The following KIFAP3 variants were observed in gnomAD, a reference collection of about 807,000 sequenced individuals.
KIFAP3 encodes kinesin associated protein 3.
A neutral mutation model predicts 106.5 loss-of-function variants in KIFAP3; 68 were observed. The observed-to-expected ratio is 0.64, with a 90% CI of 0.53 to 0.78. The LOEUF is 0.78. KIFAP3 is among the 30% of genes least tolerant of loss of function. KIFAP3 has a pLI of 0.00. For synonymous variants in KIFAP3, 320 were observed against 311.5 expected (o/e 1.03, Z -0.29); for missense variants, 780 against 941.8 (o/e 0.83, Z 2.25).
intron 10 of KIFAP3, among the ~76,000 whole-genome samples, chr1:169,994,592 G>A (rs541534225): frequency 2.6e-5 from 4 of 151,836 alleles, no homozygotes; most frequent in African/African-American, 4.8e-5. Flanking sequence ...TCAGATGAAT[G>A]GACACTAGTA....
intron 15 of KIFAP3, among the ~76,000 whole-genome samples, chr1:169,980,625 C>T (rs1666466527): frequency 1.3e-5 from 2 of 152,064 alleles, no homozygotes; most frequent in Non-Finnish European, 1.5e-5. Flanking sequence ...TGTTGGACAC[C>T]ACATATATAG....
chr1:169,990,160 T>C, intron 11 of KIFAP3: 1 of 1,483,826 alleles, frequency 6.7e-7, no homozygotes, highest in Non-Finnish European at 9.1e-7. Context: ...CAGAGTTCAG[T>C]ATGAAATGAG....
At chr1:170,037,895 C>T (rs1669770951) in intron 5 of KIFAP3, among the ~76,000 whole-genome samples, 1 of 152,160 alleles carries the variant, frequency 6.6e-6, no homozygotes, top group South Asian at 2.1e-4. Flanking sequence ...AAAGCAAACA[C>T]TTGATGTGAA....
At chr1:170,027,919 A>T (rs1262032151) in intron 8 of KIFAP3, among the ~76,000 whole-genome samples, 1 of 152,082 alleles carries the variant, frequency 6.6e-6, no homozygotes. Flanking sequence ...AGAAAAAGAG[A>T]CCTTATATTA....
chr1:170,013,807 G>A (rs1668370063), intron 10 of KIFAP3, among the ~76,000 whole-genome samples: 1 of 152,110 alleles, frequency 6.6e-6, no homozygotes, highest in Admixed American at 6.6e-5. Context: ...AGTTAGGCAT[G>A]GCGATGTGAT....
chr1:170,066,276 T>C (rs563466175), intron 1 of KIFAP3, among the ~76,000 whole-genome samples: 102 of 151,940 alleles, frequency 6.7e-4, no homozygotes, highest in Admixed American at 3.6e-3. Context: ...TCAAGTCATA[T>C]GTATTTTTAA....
At chr1:170,038,461 A>T (rs762364290) in intron 4 of KIFAP3, 30 bp from the exon 5 acceptor site, 2 of 1,591,372 alleles carry the variant, frequency 1.3e-6, no homozygotes, top group Non-Finnish European at 1.7e-6. Context: ...AGTACTCATC[A>T]ACAATGCTCA....
At chr1:170,070,471 G>A (rs761130227) in intron 1 of KIFAP3, among the ~76,000 whole-genome samples, 6 of 152,050 alleles carry the variant, frequency 3.9e-5, no homozygotes, top group Non-Finnish European at 7.4e-5. Flanking sequence ...AAATATAATT[G>A]AGAGTGCAGG....
chr1:169,998,521 G>T (rs1235331889), intron 10 of KIFAP3, among the ~76,000 whole-genome samples: 1 of 151,312 alleles, frequency 6.6e-6, no homozygotes, highest in African/African-American at 2.4e-5. Flanking sequence ...TCTAACCCAA[G>T]TTGCTAATGT....
intron 2 of KIFAP3, among the ~76,000 whole-genome samples, chr1:170,054,146 A>G (rs898274695): frequency 2.0e-5 from 3 of 152,186 alleles, no homozygotes; most frequent in Non-Finnish European, 4.4e-5. Context: ...ACAAATTTAC[A>G]AGAGAAAAAA....
At chr1:170,041,337 T>C (rs1669967937) in intron 3 of KIFAP3, among the ~76,000 whole-genome samples, 1 of 152,164 alleles carries the variant, frequency 6.6e-6, no homozygotes, top group Non-Finnish European at 1.5e-5. Context: ...ACTTGAGCAT[T>C]GATACATTAT....
At chr1:169,973,526 T>A (rs1342218200) in intron 16 of KIFAP3, among the ~76,000 whole-genome samples, 3 of 149,902 alleles carry the variant, frequency 2.0e-5, no homozygotes, top group African/African-American at 7.3e-5. Context: ...AAAAAAAACT[T>A]GATATTAAAA....
intron 1 of KIFAP3, among the ~76,000 whole-genome samples, chr1:170,061,558 G>A (rs1290384036): frequency 2.0e-5 from 3 of 152,196 alleles, no homozygotes; most frequent in Non-Finnish European, 4.4e-5. Flanking sequence ...GTTTTACACT[G>A]TTGGTGGGAC....
Position 169,983,396 on chromosome 1 carries a change from G to T in KIFAP3, c.1394-14C>A. On this transcript the variant is annotated splice_polypyrimidine_tract_variant and intron_variant, in intron 12 of 19. Transcript: ENST00000361580. Reference sequence around the variant, plus strand: ...TCAGCCCATTTCCTGAAACAGAAAAGTCCCCCAATAAAATTAAGGTTAGCT... The same window carrying T: ...TCAGCCCATTTCCTGAAACAGAAAATTCCCCCAATAAAATTAAGGTTAGCT... The T allele has an allele frequency of 1.3e-6, 2 of 1,543,128 alleles. No homozygotes were observed. Among genetic ancestry groups the T allele is most frequent in the Non-Finnish European group, 1.8e-6 (2 of 1,123,954 alleles).
At chr1:170,022,877 T>A (rs553621583) in intron 9 of KIFAP3, among the ~76,000 whole-genome samples, 1 of 152,224 alleles carries the variant, frequency 6.6e-6, no homozygotes, top group Non-Finnish European at 1.5e-5. Context: ...TTTGATAGAA[T>A]AAACACATAA....
chr1:170,066,105 CTTT>C (rs148665698), intron 1 of KIFAP3, among the ~76,000 whole-genome samples: 7 of 144,838 alleles, frequency 4.8e-5, no homozygotes, highest in Admixed American at 4.8e-4. Flanking sequence ...TTTTAGTTAC[CTTT>C]TTTTTTTCAC....
At chr1:169,965,798 G>A (rs1259400002) in intron 17 of KIFAP3, among the ~76,000 whole-genome samples, 1 of 151,884 alleles carries the variant, frequency 6.6e-6, no homozygotes, top group Admixed American at 6.6e-5. Flanking sequence ...AGTTTAAAAA[G>A]AGATTATCAA....
intron 1 of KIFAP3, among the ~76,000 whole-genome samples, chr1:170,069,631 T>A (rs1671604764): frequency 6.6e-6 from 1 of 152,054 alleles, no homozygotes; most frequent in African/African-American, 2.4e-5. Context: ...ATGATAAAAG[T>A]ACTTGATAAA....
chr1:170,033,281 T>C (rs1414987544), intron 7 of KIFAP3, among the ~76,000 whole-genome samples: 1 of 151,766 alleles, frequency 6.6e-6, no homozygotes, highest in Non-Finnish European at 1.5e-5. Context: ...CTGAGAGATT[T>C]TGTACACAAT....
Sources: allele counts gnomAD v4.1 joint callset (sites outside exome capture counted in the v4.1 genomes callset), GRCh38; gene constraint gnomAD v4.1.1; transcripts MANE v1.5; gene names NCBI Gene and HGNC (gene_info 2026-07-23, HGNC 2026-07-21).